UGT2A2: variants seen among roughly 807,000 people sequenced by gnomAD.
The protein encoded by UGT2A2 is UDP glucuronosyltransferase family 2 member A2, also known as UDP-glucuronosyltransferase 2A2.
A neutral mutation model predicts 50.7 loss-of-function variants in UGT2A2; 60 were observed. The ratio of observed to expected loss-of-function variants is 1.18; its 90% CI spans 0.96 to 1.47. The LOEUF is 1.47. Among genes scored for constraint, UGT2A2 ranks in the 40% most tolerant of loss-of-function variants. The pLI, the probability that UGT2A2 is intolerant of heterozygous loss-of-function variation, is 0.00. For missense variants in UGT2A2, 762 were observed against 634.0 expected, an observed-to-expected ratio of 1.20 and a Z score of -2.17; for synonymous variants, 242 against 214.6, an observed-to-expected ratio of 1.13 and a Z score of -1.11.
At position 69,589,238 on chromosome 4, in the gene UGT2A2, T is replaced by C. The variant is rs776929809; in HGVS notation, c.*134A>G. On this transcript the variant is annotated 3_prime_UTR_variant, in exon 6 of 6. Transcript: ENST00000604629. ...GCTTTATCAGTAGGCTTATCGCAGG[T>C]AGAGAAATAGAAAATTTGGAAACAG... 2.9e-5 allele frequency: 34 copies of C among 1,166,214 alleles called. No homozygotes were observed. Among genetic ancestry groups the C allele is most frequent in the Non-Finnish European group, 3.7e-5 (32 of 866,942 alleles). 72.2% of individuals were successfully genotyped at this position (1,166,214 alleles called of 1,614,324 possible). A position where few individuals can be genotyped will look rare whatever the true frequency, so the allele number is the denominator to read the frequency against.
intron 1 of UGT2A2, among the ~76,000 whole-genome samples, chr4:69,617,681 G>A (rs182153082): frequency 2.6e-5 from 4 of 151,684 alleles, no homozygotes; most frequent in South Asian, 2.1e-4. Context: ...CCATTAAGAC[G>A]TTCTTTAAAA....
chr4:69,618,221 T>TTGTGTGTGTGTGTGTGTGTG (rs112693693), intron 1 of UGT2A2, among the ~76,000 whole-genome samples: 2 of 144,638 alleles, frequency 1.4e-5, no homozygotes, highest in East Asian at 2.0e-4. Flanking sequence ...GTGTGTATGT[T>TTGTGTGTGTGTGTGTGTGTG]TGTGTGTGTG....
intron 1 of UGT2A2, among the ~76,000 whole-genome samples, chr4:69,635,510 C>CAGA (rs1420287833): frequency 1.1e-4 from 16 of 152,142 alleles, no homozygotes; most frequent in Admixed American, 9.2e-4. Context: ...TGCTGTACAG[C>CAGA]AGATCTCTTA....
At chr4:69,624,459 A>G (rs1720922593) in intron 1 of UGT2A2, among the ~76,000 whole-genome samples, 1 of 151,466 alleles carries the variant, frequency 6.6e-6, no homozygotes, top group African/African-American at 2.4e-5. Flanking sequence ...CTTTACATTT[A>G]ATGTGATTAT....
At chr4:69,637,768 C>A (rs1049694875) in intron 1 of UGT2A2, among the ~76,000 whole-genome samples, 1 of 152,060 alleles carries the variant, frequency 6.6e-6, no homozygotes, top group Non-Finnish European at 1.5e-5. Flanking sequence ...AGAATTTGAT[C>A]TGTTTTGCTT....
At chr4:69,593,956 AT>A (rs1718740024) in intron 5 of UGT2A2, among the ~76,000 whole-genome samples, 1 of 150,828 alleles carries the variant, frequency 6.6e-6, no homozygotes. Flanking sequence ...TATTGAAATA[AT>A]ATTTGAAGTC....
intron 1 of UGT2A2, among the ~76,000 whole-genome samples, chr4:69,629,423 A>G (rs1215881931): frequency 2.6e-5 from 4 of 152,040 alleles, no homozygotes; most frequent in Non-Finnish European, 5.9e-5. Flanking sequence ...AGTGCCTAAT[A>G]AGAGTGTTTT....
intron 1 of UGT2A2, among the ~76,000 whole-genome samples, chr4:69,622,647 C>T (rs1482793012): frequency 2.0e-5 from 3 of 151,566 alleles, no homozygotes; most frequent in Non-Finnish European, 4.4e-5. Flanking sequence ...GGTCTCGAGG[C>T]TCAAAGGTGA....
At chr4:69,618,227 GTGTGTGTGTGTA>G (rs1391846114) in intron 1 of UGT2A2, among the ~76,000 whole-genome samples, 11 of 150,922 alleles carry the variant, frequency 7.3e-5, no homozygotes, top group African/African-American at 2.7e-4. Flanking sequence ...ATGTTTGTGT[GTGTGTGTGTGTA>G]TGTGTGTGTT....
Position 69,605,908 on chromosome 4 carries a change from C to A in UGT2A2, c.743-6514G>T, listed in dbSNP as rs1422279917. 2.2e-5 allele frequency among the ~76,000 whole-genome samples: 3 copies of A among 136,480 alleles called. 1 individual carries two copies. The highest frequency in any genetic ancestry group is 4.7e-5 in the Non-Finnish European group (3 of 64,216). 89.5% of individuals were successfully genotyped at this position (136,480 alleles called of 152,430 possible). Reference sequence around the variant, plus strand: ...AATCTCTGAATAGACCAATAACAGGCTCTGAAATTGAGGCAATAATTAATA... The same window carrying A: ...AATCTCTGAATAGACCAATAACAGGATCTGAAATTGAGGCAATAATTAATA... On this transcript the variant is annotated intron_variant, in intron 1 of 5. Coordinates refer to ENST00000604629, the MANE Select transcript of UGT2A2 (RefSeq NM_001105677.2).
At chr4:69,612,627 GA>G (rs1246863335) in intron 1 of UGT2A2, among the ~76,000 whole-genome samples, 1 of 151,882 alleles carries the variant, frequency 6.6e-6, no homozygotes, top group Non-Finnish European at 1.5e-5. Flanking sequence ...AAGAAATAGG[GA>G]AACCACTCCC....
intron 1 of UGT2A2, among the ~76,000 whole-genome samples, chr4:69,599,951 G>C (rs917104511): frequency 5.9e-5 from 9 of 152,134 alleles, no homozygotes; most frequent in African/African-American, 2.2e-4. Context: ...GCAAATCAGA[G>C]GCATTGCTAG....
At position 69,595,191 on chromosome 4, in the gene UGT2A2, A is replaced by T; in HGVS notation, c.1082T>A (p.Phe361Tyr). 1 of 1,613,822 alleles carries T rather than the reference A, an allele frequency of 6.2e-7. No individual in the cohort carries two copies. The highest frequency in any genetic ancestry group is 8.5e-7 in the Non-Finnish European group (1 of 1,179,846). The change falls in exon 4 of 6, where the codon TTT becomes TAT. Residue 361 changes from phenylalanine (F) to tyrosine (Y), a missense_variant. Phe to Tyr is a conservative substitution (Grantham distance 22). Transcript: ENST00000604629. ...AAGATCATTCTGGGGTATCCAATCA[A>T]AGAGCTGAGTATTGTTTCCTAATGT... ...PATLGNNTQL[F>Y]DWIPQNDLLG...
In UGT2A2 at chr4:69,635,828, C is replaced by CAACAAAAAAAAAAAAAAAAAAAAAAA. The variant is rs1721658620; in HGVS notation, c.742+3070_742+3071insTTTTTTTTTTTTTTTTTTTTTTTGTT. 2 of 49,134 alleles carry CAACAAAAAAAAAAAAAAAAAAAAAAA rather than the reference C, an allele frequency of 4.1e-5. 1 individual carries two copies. The allele number at this position is 49,134 out of a possible 1,614,324, so 3.0% of individuals were successfully genotyped here. A position where few individuals can be genotyped will look rare whatever the true frequency, so the allele number is the denominator to read the frequency against. On this transcript the variant is annotated intron_variant, in intron 1 of 5. Transcript: ENST00000604629. ...GCAACAGAGTAAGAGTCCACCTCAC[C>CAACAAAAAAAAAAAAAAAAAAAAAAA]AAAAAAAAAAAAAAAAAAAAAAGAG...
At chr4:69,606,953 T>G (rs1719664321) in intron 1 of UGT2A2, among the ~76,000 whole-genome samples, 1 of 136,502 alleles carries the variant, frequency 7.3e-6, no homozygotes, top group Admixed American at 7.2e-5. Context: ...TCCATGCTCA[T>G]GGGTAGGAAG....
chr4:69,592,027 C>T (rs759186161), intron 5 of UGT2A2, among the ~76,000 whole-genome samples: 2 of 152,090 alleles, frequency 1.3e-5, no homozygotes, highest in African/African-American at 4.8e-5. Context: ...AGTGGACAAC[C>T]AGGGCTGAGT....
intron 1 of UGT2A2, among the ~76,000 whole-genome samples, chr4:69,614,598 C>T (rs1034137017): frequency 1.3e-5 from 2 of 151,954 alleles, no homozygotes; most frequent in African/African-American, 4.8e-5. Context: ...GCCATAACAG[C>T]ATGGCACTAT....
intron 3 of UGT2A2, 145 bp downstream of exon 3, chr4:69,596,105 T>A (rs1718904756): frequency 8.3e-7 from 1 of 1,201,930 alleles, no homozygotes. Context: ...ACAATTTTAA[T>A]ATATTACACA....
intron 1 of UGT2A2, chr4:69,635,741 C>T (rs891728122): frequency 4.2e-5 from 10 of 235,542 alleles, no homozygotes; most frequent in Non-Finnish European, 7.0e-5. Flanking sequence ...GCGGGAGAAT[C>T]GCTTGAACCC....
Sources: allele counts gnomAD v4.1 joint callset (sites outside exome capture counted in the v4.1 genomes callset), GRCh38; gene constraint gnomAD v4.1.1; transcripts MANE v1.5; gene names NCBI Gene and HGNC (gene_info 2026-07-23, HGNC 2026-07-21).